MAP3K20: variants seen among roughly 807,000 people sequenced by gnomAD.
The protein encoded by MAP3K20 is HCCS-4.
Under a neutral mutation model 85.7 loss-of-function variants are expected in MAP3K20, and 40 were observed. That is an observed-to-expected ratio of 0.47 (90% CI 0.36 to 0.61). The LOEUF (loss-of-function observed/expected upper bound fraction) is 0.61, where lower values mean the gene tolerates loss of function less well. Among genes scored for constraint, MAP3K20 ranks in the 20% least tolerant of loss-of-function variants. The pLI is 0.00. For synonymous variants in MAP3K20, 325 were observed against 327.7 expected (o/e 0.99, Z 0.09); for missense variants, 817 against 961.7 (o/e 0.85, Z 1.99).
intron 2 of MAP3K20, among the ~76,000 whole-genome samples, chr2:173,114,222 T>C (rs1688053690): frequency 6.6e-6 from 1 of 152,208 alleles, no homozygotes; most frequent in Non-Finnish European, 1.5e-5. Context: ...TGCTTGCTTT[T>C]GGTGTCCATT....
intron 9 of MAP3K20, chr2:173,207,779 G>A (rs966265055): frequency 6.7e-6 from 1 of 148,296 alleles, no homozygotes; most frequent in Non-Finnish European, 1.5e-5. Flanking sequence ...AACCTAATCC[G>A]CTTCAGAGGA....
chr2:173,235,085 C>T (rs1574143762), intron 14 of MAP3K20, among the ~76,000 whole-genome samples: 1 of 152,170 alleles, frequency 6.6e-6, no homozygotes, highest in Admixed American at 6.5e-5. Flanking sequence ...GCTGGGGCCG[C>T]TGTCGCAGGC....
chr2:173,226,680 A>G, intron 11 of MAP3K20: 1 of 985,882 alleles, frequency 1.0e-6, no homozygotes, highest in Non-Finnish European at 1.2e-6. Context: ...CTTCAAAACT[A>G]GAGTTCCAAG....
At chr2:173,230,208 A>C (rs1684490492) in intron 12 of MAP3K20, among the ~76,000 whole-genome samples, 1 of 152,182 alleles carries the variant, frequency 6.6e-6, no homozygotes, top group South Asian at 2.1e-4. Context: ...CAAATCTTCT[A>C]AGTGGGTTCT....
chr2:173,139,678 G>T (rs376029293), intron 2 of MAP3K20, among the ~76,000 whole-genome samples: 3 of 151,774 alleles, frequency 2.0e-5, no homozygotes, highest in African/African-American at 7.3e-5. Flanking sequence ...TTCTTGCTTG[G>T]TGGAATCTCT....
At chr2:173,186,863 T>G (rs1488387944) in intron 4 of MAP3K20, among the ~76,000 whole-genome samples, 1 of 152,146 alleles carries the variant, frequency 6.6e-6, no homozygotes, top group Non-Finnish European at 1.5e-5. Flanking sequence ...ATAATAAAGC[T>G]CTATAAATAT....
At chr2:173,103,615 T>G (rs545370180) in intron 2 of MAP3K20, among the ~76,000 whole-genome samples, 1 of 152,328 alleles carries the variant, frequency 6.6e-6, no homozygotes, top group South Asian at 2.1e-4. Flanking sequence ...AAATTAACAT[T>G]TCTTTAGTTT....
chr2:173,250,893 A>C (rs1685027471), intron 16 of MAP3K20, among the ~76,000 whole-genome samples: 1 of 152,202 alleles, frequency 6.6e-6, no homozygotes, highest in Admixed American at 6.5e-5. Context: ...GAAGCAAATT[A>C]ACCATACTTG....
chr2:173,079,454 GATTT>G (rs1686954515), intron 1 of MAP3K20, among the ~76,000 whole-genome samples: 1 of 152,054 alleles, frequency 6.6e-6, no homozygotes, highest in Non-Finnish European at 1.5e-5. Flanking sequence ...GGCTCTACTA[GATTT>G]ATTTAAACAT....
At chr2:173,089,934 A>C (rs551618022) in intron 1 of MAP3K20, among the ~76,000 whole-genome samples, 45 of 152,332 alleles carry the variant, frequency 3.0e-4, no homozygotes, top group African/African-American at 1.1e-3. Flanking sequence ...AAACAAAAAA[A>C]AACTTTCATG....
chr2:173,116,262 AC>A (rs1349863366), intron 2 of MAP3K20, among the ~76,000 whole-genome samples: 1 of 152,232 alleles, frequency 6.6e-6, no homozygotes, highest in Non-Finnish European at 1.5e-5. Context: ...CCACATACTT[AC>A]GATAGATCTG....
chr2:173,168,341 A>G (rs996277833), intron 2 of MAP3K20, among the ~76,000 whole-genome samples: 3 of 152,166 alleles, frequency 2.0e-5, no homozygotes, highest in Non-Finnish European at 4.4e-5. Context: ...ATGTATTACT[A>G]TAAGAAAACA....
At chr2:173,091,281 G>T in intron 2 of MAP3K20, 91 bp downstream of exon 2, 1 of 1,358,160 alleles carries the variant, frequency 7.4e-7, no homozygotes. Flanking sequence ...GGCTGCAAGA[G>T]ACCTAGCAAG....
intron 3 of MAP3K20, among the ~76,000 whole-genome samples, chr2:173,180,730 A>G (rs1574083934): frequency 6.6e-6 from 1 of 152,134 alleles, no homozygotes; most frequent in Admixed American, 6.6e-5. Context: ...CAGACCATAC[A>G]TAAAAATGAA....
intron 2 of MAP3K20, among the ~76,000 whole-genome samples, chr2:173,161,103 C>T (rs1020976640): frequency 4.6e-5 from 7 of 152,176 alleles, no homozygotes; most frequent in African/African-American, 7.2e-5. Flanking sequence ...TTTAAGTACA[C>T]GGCAAAGAAA....
chr2:173,220,250 T>A (rs1474885593), intron 11 of MAP3K20, among the ~76,000 whole-genome samples: 2 of 152,218 alleles, frequency 1.3e-5, no homozygotes, highest in Non-Finnish European at 2.9e-5. Flanking sequence ...CTAACAGTTT[T>A]ACCCCTGAAA....
Position 173,266,783 on chromosome 2 carries a change from T to TGAA in MAP3K20, c.*33_*34insGAA, listed in dbSNP as rs370642586. ...AACTACATAGCTTTTCTAAGCAGGT[T>TGAA]AAAAAAAAAAAAAAAAAGAAATGTA... On this transcript the variant is annotated 3_prime_UTR_variant, in exon 20 of 20. Transcript: ENST00000375213. 1.9e-6 allele frequency: 2 copies of TGAA among 1,031,246 alleles called. No homozygotes were observed. Among genetic ancestry groups the TGAA allele is most frequent in the Non-Finnish European group, 2.6e-6 (2 of 780,344 alleles). 63.9% of individuals were successfully genotyped at this position (1,031,246 alleles called of 1,614,324 possible). A position where few individuals can be genotyped will look rare whatever the true frequency, so the allele number is the denominator to read the frequency against.
chr2:173,125,654 T>C (rs1688420151), intron 2 of MAP3K20, among the ~76,000 whole-genome samples: 1 of 152,176 alleles, frequency 6.6e-6, no homozygotes, highest in Admixed American at 6.5e-5. Context: ...CTTTTCTTTA[T>C]TTCCTTTTAT....
intron 1 of MAP3K20, among the ~76,000 whole-genome samples, chr2:173,077,051 T>A (rs1163118214): frequency 1.8e-5 from 2 of 112,268 alleles, no homozygotes; most frequent in East Asian, 4.8e-4. Flanking sequence ...TCTGTAATAA[T>A]GAAAGCAACA....
Sources: gnomAD v4.1 joint callset for allele counts (sites outside exome capture counted in the v4.1 genomes callset) on GRCh38, gnomAD v4.1.1 for gene constraint, MANE v1.5 for transcripts, NCBI Gene and HGNC (gene_info 2026-07-23, HGNC 2026-07-21) for gene names.